PHF3: variants seen among roughly 807,000 people sequenced by gnomAD.
The protein encoded by PHF3 is PHD finger protein 3.
Under a neutral mutation model 178.4 loss-of-function variants are expected in PHF3, and 41 were observed. That is an observed-to-expected ratio of 0.23 (90% CI 0.18 to 0.30). The LOEUF (loss-of-function observed/expected upper bound fraction) is 0.30, where lower values mean the gene tolerates loss of function less well. Ranked by LOEUF, PHF3 falls within the 10% of genes least tolerant of loss-of-function variation. The pLI is 1.00. For synonymous variants in PHF3, 842 were observed against 800.5 expected, an observed-to-expected ratio of 1.05 and a Z score of -0.88; for missense variants, 2,346 against 2,398.1, an observed-to-expected ratio of 0.98 and a Z score of 0.45.
At chr6:63,646,476 T>C (rs1764789268) in intron 1 of PHF3, 51 bp from the exon 2 acceptor site, 1 of 1,351,446 alleles carries the variant, frequency 7.4e-7, no homozygotes, top group Non-Finnish European at 1.0e-6. Context: ...TATTAGGTGA[T>C]TTTCAATTGA....
intron 2 of PHF3, among the ~76,000 whole-genome samples, chr6:63,673,564 C>T (rs1361210258): frequency 2.0e-5 from 3 of 152,302 alleles, no homozygotes; most frequent in Non-Finnish European, 4.4e-5. Flanking sequence ...AAGGTTAATC[C>T]TTCACATCTA....
At position 63,685,575 on chromosome 6, in the gene PHF3, A is replaced by G. The variant is rs1327233782; in HGVS notation, c.1853A>G (p.His618Arg). The change falls in exon 4 of 16, where the codon CAT becomes CGT. Residue 618 changes from histidine (H) to arginine (R), a missense_variant. This residue lies in a region of PHF3 where 843 missense variants were observed against 795.2 expected (regional missense o/e 1.06). Coordinates refer to ENST00000262043, the MANE Select transcript of PHF3 (RefSeq NM_001370348.2). ...CCTCATCATCCTGCACAAACTGGAC[A>G]TGTATCACATTCTAGCCAGAAACAG... ...KEPHHPAQTGHVSHSSQKQCH... is the reference protein window; with the variant it reads ...KEPHHPAQTGRVSHSSQKQCH... The G allele has an allele frequency of 6.2e-7, 1 of 1,614,128 alleles. No individual in the cohort carries two copies. The highest frequency in any genetic ancestry group is 1.7e-5 in the Admixed American group (1 of 60,014).
intron 1 of PHF3, among the ~76,000 whole-genome samples, chr6:63,643,135 C>T (rs1023905781): frequency 4.0e-5 from 6 of 151,680 alleles, no homozygotes; most frequent in African/African-American, 1.5e-4. Flanking sequence ...TGCTACTGTC[C>T]CTTTTCTGTT....
chr6:63,709,121 T>C, intron 13 of PHF3, 30 bp from the exon 14 acceptor site: 1 of 1,179,186 alleles, frequency 8.5e-7, no homozygotes, highest in Non-Finnish European at 1.2e-6. Flanking sequence ...TCTATATATA[T>C]TGATCTCTTT....
chr6:63,679,779 C>T (rs1766345165), intron 2 of PHF3: 1 of 573,194 alleles, frequency 1.7e-6, no homozygotes, highest in African/African-American at 1.8e-5. Flanking sequence ...ATAGCTAATA[C>T]TCTCTTTGAC....
chr6:63,719,321 C>CT lies in PHF3; in HGVS notation c.*5615dup. 6.6e-6 allele frequency among the ~76,000 whole-genome samples: 1 copy of CT among 152,176 alleles called. No individual in the cohort carries two copies. Among genetic ancestry groups the CT allele is most frequent in the Admixed American group, 6.6e-5 (1 of 15,244 alleles). ...GCACAGAAATGTGTATTCATCAGCC[C>CT]TTATTTTTTGTAAATCTTTTCTCTA... is the stretch of plus-strand genomic sequence containing the variant. On this transcript the variant is annotated 3_prime_UTR_variant, in exon 16 of 16. Transcript: ENST00000262043.
At chr6:63,702,152 C>T (rs1277225548) in intron 9 of PHF3, 1 of 156,328 alleles carries the variant, frequency 6.4e-6, no homozygotes, top group Non-Finnish European at 1.4e-5. Context: ...AAAATAGTTC[C>T]TATTTCCCTG....
At chr6:63,692,180 T>C (rs1767037506) in intron 5 of PHF3, 137 bp downstream of exon 5, 1 of 688,292 alleles carries the variant, frequency 1.5e-6, no homozygotes, top group Non-Finnish European at 2.3e-6. Flanking sequence ...TGAAAGTGAA[T>C]AGGTTTTTAT....
intron 2 of PHF3, among the ~76,000 whole-genome samples, chr6:63,653,584 G>T (rs758888786): frequency 6.6e-6 from 1 of 152,062 alleles, no homozygotes; most frequent in Non-Finnish European, 1.5e-5. Context: ...TAACAGTGCA[G>T]ATGTACAGTT....
At chr6:63,662,853 CA>C (rs1264934164) in intron 2 of PHF3, among the ~76,000 whole-genome samples, 1 of 152,130 alleles carries the variant, frequency 6.6e-6, no homozygotes, top group Non-Finnish European at 1.5e-5. Flanking sequence ...TAATTGATGT[CA>C]TTTCTATTTT....
At chr6:63,648,949 A>G (rs1764904344) in intron 2 of PHF3, among the ~76,000 whole-genome samples, 1 of 152,246 alleles carries the variant, frequency 6.6e-6, no homozygotes, top group Non-Finnish European at 1.5e-5. Flanking sequence ...GATTTCTTCA[A>G]AGTTCTTTTC....
In PHF3 at chr6:63,685,072, G is replaced by C; in HGVS notation, c.1350G>C (p.Gln450His). The change falls in exon 4 of 16, where the codon CAG (glutamine) becomes CAC (histidine). Residue 450 changes from glutamine (Q) to histidine (H), a missense_variant. Around this residue, in one of 8 missense-constraint regions of PHF3, gnomAD observed 843 missense variants for 795.2 expected, o/e 1.06. Transcript: ENST00000262043. ...ICDVPDQNSK[Q>H]LNAIESTKIE... is the part of the protein sequence containing the mutation. ...ATGTGCCTGACCAAAATTCAAAACAGTTGAATGCTATAGAAAGTACTAAAA... is the reference window on the plus strand; with the variant it reads ...ATGTGCCTGACCAAAATTCAAAACACTTGAATGCTATAGAAAGTACTAAAA... The C allele has an allele frequency of 6.2e-7, 1 of 1,613,968 alleles. No homozygotes were observed. The highest frequency in any genetic ancestry group is 8.5e-7 in the Non-Finnish European group (1 of 1,179,936).
intron 4 of PHF3, among the ~76,000 whole-genome samples, chr6:63,689,451 T>C (rs1002321785): frequency 1.3e-5 from 2 of 152,170 alleles, no homozygotes; most frequent in African/African-American, 2.4e-5. Flanking sequence ...GAAATTTTCT[T>C]CTAGAACAAA....
intron 2 of PHF3, among the ~76,000 whole-genome samples, chr6:63,671,578 GA>G (rs1328274425): frequency 3.3e-5 from 5 of 152,122 alleles, no homozygotes; most frequent in Admixed American, 3.3e-4. Context: ...CCAGCCTTTT[GA>G]AAATCCTAGG....
rs1333667565 is a variant in PHF3, at chr6:63,702,620, A to T, written c.3212A>T (p.Glu1071Val). 2 of 1,612,854 alleles carry T rather than the reference A, an allele frequency of 1.2e-6. No individual in the cohort carries two copies. The highest frequency in any genetic ancestry group is 2.7e-5 in the African/African-American group (2 of 74,908). ...AGTGATGCCCCAATGAAAGAACAGGAAGCAGCCATGGAGATTCAGGTAAGG... is the reference window on the plus strand; with the variant it reads ...AGTGATGCCCCAATGAAAGAACAGGTAGCAGCCATGGAGATTCAGGTAAGG... ...IESDAPMKEQ[E>V]AAMEIQEPAA... The change falls in exon 10 of 16, where the codon GAA (glutamate) becomes GTA (valine). Residue 1071 changes from glutamate (E) to valine (V), a missense_variant. Around this residue, in one of 8 missense-constraint regions of PHF3, gnomAD observed 205 missense variants for 212.4 expected, o/e 0.97. Transcript: ENST00000262043.
Position 63,703,630 on chromosome 6 carries a change from A to G in PHF3, c.3326A>G (p.His1109Arg). The G allele has an allele frequency of 6.2e-7, 1 of 1,608,460 alleles. No individual in the cohort carries two copies. The highest frequency in any genetic ancestry group is 8.5e-7 in the Non-Finnish European group (1 of 1,178,574). ...ATGTCTAAAGATACCACTAGTCAACACAGACAGCATCTTTTTGATCTCAAC... is the reference window on the plus strand; with the variant it reads ...ATGTCTAAAGATACCACTAGTCAACGCAGACAGCATCTTTTTGATCTCAAC... ...DSMSKDTTSQHRQHLFDLNCK... is the reference protein window; with the variant it reads ...DSMSKDTTSQRRQHLFDLNCK... Residue 1109 changes from histidine to arginine, a missense_variant, in exon 11 of 16, where the codon CAC becomes CGC. By Grantham distance (29) the His-to-Arg change is conservative (BLOSUM62 0). Transcript: ENST00000262043.
chr6:63,651,131 G>GT (rs1765002855), intron 2 of PHF3, among the ~76,000 whole-genome samples: 1 of 151,970 alleles, frequency 6.6e-6, no homozygotes, highest in African/African-American at 2.4e-5. Context: ...ATAATTGTAC[G>GT]TATTTGTGGG....
rs958199150 is a variant in PHF3, at chr6:63,718,696, C to T, written c.*4988C>T. ...AGGACTCTGGATTCCTTGAAAAGATCGCAGGGGTTCTTGGACCATAGTTTG... is the reference window on the plus strand; with the variant it reads ...AGGACTCTGGATTCCTTGAAAAGATTGCAGGGGTTCTTGGACCATAGTTTG... On this transcript the variant is annotated 3_prime_UTR_variant, in exon 16 of 16. Coordinates refer to ENST00000262043, the MANE Select transcript of PHF3 (RefSeq NM_001370348.2). Among the ~76,000 whole-genome samples, 3 of 151,872 alleles carry T rather than the reference C, an allele frequency of 2.0e-5. No individual in the cohort carries two copies. The highest frequency in any genetic ancestry group is 4.8e-5 in the African/African-American group (2 of 41,374).
At chr6:63,690,669 TA>T (rs1442224968) in intron 4 of PHF3, among the ~76,000 whole-genome samples, 2 of 152,166 alleles carry the variant, frequency 1.3e-5, no homozygotes, top group Non-Finnish European at 2.9e-5. Flanking sequence ...AGTACATACC[TA>T]AATCCTTCTA....
Sources: allele counts gnomAD v4.1 joint callset (sites outside exome capture counted in the v4.1 genomes callset), GRCh38; gene constraint gnomAD v4.1.1; regional missense constraint gnomAD v4.1.1; transcripts MANE v1.5; gene names NCBI Gene and HGNC (gene_info 2026-07-23, HGNC 2026-07-21).